SARDH: variants seen among roughly 807,000 people sequenced by gnomAD.
SARDH encodes sarcosine dehydrogenase.
Under a neutral mutation model 109.1 loss-of-function variants are expected in SARDH, and 95 were observed. The observed-to-expected ratio is 0.87, with a 90% CI of 0.74 to 1.03. SARDH has a LOEUF of 1.03. Among genes scored for constraint, SARDH ranks in the 50% least tolerant of loss-of-function variants. The pLI, the probability that SARDH is intolerant of heterozygous loss-of-function variation, is 0.00. For synonymous variants in SARDH, 572 were observed against 534.8 expected (o/e 1.07, Z -0.96); for missense variants, 1,267 against 1,287.8 (o/e 0.98, Z 0.25).
intron 5 of SARDH, 73 bp from the exon 6 acceptor site, chr9:133,729,938 G>A: frequency 6.3e-7 from 1 of 1,592,082 alleles, no homozygotes; most frequent in Non-Finnish European, 8.6e-7. Context: ...TGCACAGGCT[G>A]CCTCTGCAGA....
At chr9:133,703,228 C>A in intron 12 of SARDH, 199 bp from the exon 13 acceptor site, 3 of 582,924 alleles carry the variant, frequency 5.1e-6, no homozygotes, top group Non-Finnish European at 9.2e-6. Flanking sequence ...ACAAAGGAGG[C>A]CGCAGGGTTG....
At chr9:133,691,234 G>C (rs1831086896) in intron 15 of SARDH, among the ~76,000 whole-genome samples, 2 of 130,380 alleles carry the variant, frequency 1.5e-5, no homozygotes, top group African/African-American at 5.9e-5. Context: ...TCAGGCCCCT[G>C]GCTCCTGAGT....
At position 133,698,332 on chromosome 9, in the gene SARDH, T is replaced by C. The variant is rs1831363207; in HGVS notation, c.1669-1971A>G. 4.6e-5 allele frequency among the ~76,000 whole-genome samples: 7 copies of C among 152,298 alleles called. 1 individual carries two copies. In the South Asian group the frequency reaches 1.4e-3, roughly 32 times the overall value. ...AACAAAAGACTTACTATTGTTGAAATGACAAGATACCCCAAATTGATCTAC... is the reference window on the plus strand; with the variant it reads ...AACAAAAGACTTACTATTGTTGAAACGACAAGATACCCCAAATTGATCTAC... On this transcript the variant is annotated intron_variant, in intron 13 of 20. Transcript: ENST00000439388.
At chr9:133,739,253 T>A (rs951545213), upstream of SARDH, among the ~76,000 whole-genome samples, 1 of 152,208 alleles carries the variant, frequency 6.6e-6, no homozygotes. Flanking sequence ...CTGTTAATAT[T>A]GTAATGATGC....
intron 3 of SARDH, 116 bp from the exon 4 acceptor site, chr9:133,731,600 AG>A: frequency 2.8e-6 from 3 of 1,057,310 alleles, no homozygotes; most frequent in Non-Finnish European, 4.2e-6. Flanking sequence ...CAGAAGCCTT[AG>A]CCGGTCCCCA....
At chr9:133,734,432 T>TTCACTCATTCAC (rs1832811272) in intron 1 of SARDH, among the ~76,000 whole-genome samples, 7 of 146,786 alleles carry the variant, frequency 4.8e-5, no homozygotes, top group African/African-American at 1.9e-4. Context: ...CATTCACTCA[T>TTCACTCATTCAC]TCATTCACTC....
Position 133,678,529 on chromosome 9 carries a change from G to C in SARDH, c.2163+6664C>G, listed in dbSNP as rs530640869. ...GCCTTCCCCACTTTTCTGGGGAGGA[G>C]CTGGCCATAAAGATGTTCTCCGCCT... On this transcript the variant is annotated intron_variant, in intron 17 of 20. Transcript: ENST00000439388. Among the ~76,000 whole-genome samples the C allele has an allele frequency of 7.9e-5, 12 of 152,222 alleles. No individual in the cohort carries two copies. In the South Asian group the frequency reaches 2.1e-3, roughly 26 times the overall value.
chr9:133,673,275 G>C (rs1472599127), intron 17 of SARDH, among the ~76,000 whole-genome samples: 4 of 152,266 alleles, frequency 2.6e-5, no homozygotes, highest in African/African-American at 9.6e-5. Flanking sequence ...ACTGGAGTCT[G>C]CGTCCTCACC....
intron 11 of SARDH, among the ~76,000 whole-genome samples, chr9:133,707,774 G>A (rs796378345): frequency 1.7e-4 from 26 of 152,278 alleles, no homozygotes; most frequent in African/African-American, 5.8e-4. Context: ...GTCTTTGGGG[G>A]ACCAGGGGAG....
chr9:133,712,697 C>T lies in SARDH; in HGVS notation c.1250G>A (p.Gly417Asp), dbSNP rs1312836974. The change falls in exon 10 of 21, where the codon GGT becomes GAT. Residue 417 changes from glycine to aspartate, a missense_variant. Coordinates refer to ENST00000439388, the MANE Select transcript of SARDH (RefSeq NM_001134707.2). The surrounding 1 kb of genome is among the most constrained non-coding windows in gnomAD (Gnocchi z 4.1). ...CGFNSAGMML[G>D]GGCGQELAHW... ...GGCCAGCTCCTGCCCACAGCCACCA[C>T]CCAGCATCATTCCTGGCAGGAAGAG... 9 of 1,609,278 alleles carry T rather than the reference C, an allele frequency of 5.6e-6. No homozygotes were observed. The highest frequency in any genetic ancestry group is 7.6e-6 in the Non-Finnish European group (9 of 1,179,930).
chr9:133,720,219 G>A (rs912697458), intron 6 of SARDH, among the ~76,000 whole-genome samples: 1 of 151,968 alleles, frequency 6.6e-6, no homozygotes, highest in Non-Finnish European at 1.5e-5. Flanking sequence ...CTGAGGTCAG[G>A]AGTTCAAAAT....
At chr9:133,734,420 T>TTCAC (rs1285790471) in intron 1 of SARDH, among the ~76,000 whole-genome samples, 16 of 64,304 alleles carry the variant, frequency 2.5e-4, no homozygotes, top group African/African-American at 5.4e-4. Context: ...CATTCATTCA[T>TTCAC]TCATTCACTC....
intron 6 of SARDH, among the ~76,000 whole-genome samples, chr9:133,726,813 G>A (rs1317798889): frequency 2.6e-5 from 4 of 152,132 alleles, no homozygotes; most frequent in East Asian, 3.9e-4. Flanking sequence ...AGCTGGTGAC[G>A]ACTTCACAAC....
rs558683045 is a variant in SARDH at position 133,693,691 on chromosome 9, T to C, written c.1921+567A>G. Among the ~76,000 whole-genome samples the C allele has an allele frequency of 7.2e-5, 11 of 152,300 alleles. No homozygotes were observed. Among genetic ancestry groups the C allele is most frequent in the African/African-American group, 2.6e-4 (11 of 41,550 alleles). On this transcript the variant is annotated intron_variant, in intron 15 of 20. Coordinates refer to ENST00000439388, the MANE Select transcript of SARDH (RefSeq NM_001134707.2). This position sits in a 1 kb window ranked among gnomAD's most constrained non-coding sequence, Gnocchi z 5.6. ...GGGAGCTGAAGGGACAAGAGGCAGG[T>C]CCTGGCTCTGCGTAACAGTTGGGGC...
Position 133,671,711 on chromosome 9 carries a change from T to G in SARDH, c.2164-14A>C. On this transcript the variant is annotated splice_polypyrimidine_tract_variant and intron_variant, in intron 17 of 20. Transcript: ENST00000439388. ...CATGGCTCGGACCTGGGGGACAAGG[T>G]CATGGCTTAGATGTGGCCATGTAAG... The G allele has an allele frequency of 6.4e-7, 1 of 1,558,608 alleles. No homozygotes were observed. The highest frequency in any genetic ancestry group is 8.7e-7 in the Non-Finnish European group (1 of 1,151,432).
chr9:133,682,096 C>A (rs1272297452), intron 17 of SARDH, among the ~76,000 whole-genome samples: 1 of 152,200 alleles, frequency 6.6e-6, no homozygotes, highest in African/African-American at 2.4e-5. Context: ...GTGGGCCCAG[C>A]TCTACCCTCT....
chr9:133,710,727 G>A (rs1037942992), intron 10 of SARDH, among the ~76,000 whole-genome samples: 9 of 152,248 alleles, frequency 5.9e-5, no homozygotes, highest in South Asian at 4.1e-4. Context: ...GCGCAGGCCC[G>A]AGGTGGCAGA....
chr9:133,688,713 G>A (rs540468437), intron 16 of SARDH, among the ~76,000 whole-genome samples: 9 of 152,324 alleles, frequency 5.9e-5, no homozygotes, highest in East Asian at 5.8e-4. Flanking sequence ...GGCCTGCCAC[G>A]GGGCCTTTGC....
At chr9:133,708,710 C>T (rs1019992205) in intron 10 of SARDH, among the ~76,000 whole-genome samples, 13 of 152,000 alleles carry the variant, frequency 8.6e-5, no homozygotes, top group African/African-American at 2.9e-4. Flanking sequence ...ACTCCAGCCT[C>T]GCTCTCCACA....
Sources: allele counts gnomAD v4.1 joint callset (sites outside exome capture counted in the v4.1 genomes callset), GRCh38; gene constraint gnomAD v4.1.1; non-coding constraint Gnocchi (gnomAD v3.1); transcripts MANE v1.5; gene names NCBI Gene and HGNC (gene_info 2026-07-23, HGNC 2026-07-21).